AUTS2: variants seen among roughly 807,000 people sequenced by gnomAD.
AUTS2 encodes autism susceptibility gene 2 protein.
Under a neutral mutation model 112.4 loss-of-function variants are expected in AUTS2, and 17 were observed. The ratio of observed to expected loss-of-function variants is 0.15; its 90% CI spans 0.10 to 0.23. The LOEUF (loss-of-function observed/expected upper bound fraction) is 0.23, where lower values mean the gene tolerates loss of function less well. AUTS2 is among the 10% of genes least tolerant of loss of function. The pLI is 1.00. For missense variants in AUTS2, 1,510 were observed against 1,701.6 expected (o/e 0.89, Z 1.98); for synonymous variants, 751 against 702.7 (o/e 1.07, Z -1.09).
intron 1 of AUTS2, among the ~76,000 whole-genome samples, chr7:69,675,389 T>A (rs182482179): frequency 1.5e-4 from 23 of 152,276 alleles, no homozygotes; most frequent in Admixed American, 1.4e-3. Context: ...TGAAACTTTT[T>A]AAGATTTTTA....
chr7:70,486,001 T>TAAATAATA (rs375156409), intron 5 of AUTS2, among the ~76,000 whole-genome samples: 1 of 122,436 alleles, frequency 8.2e-6, no homozygotes, highest in Non-Finnish European at 1.9e-5. Context: ...AATAAATAAA[T>TAAATAATA]AATAAATAAA....
intron 1 of AUTS2, among the ~76,000 whole-genome samples, chr7:69,894,235 A>G (rs532787480): frequency 1.5e-4 from 21 of 144,090 alleles, no homozygotes; most frequent in Admixed American, 4.8e-4. Context: ...ATGACTGTCA[A>G]ATGAATGCCT....
chr7:70,228,230 A>G (rs1408835008), intron 4 of AUTS2, among the ~76,000 whole-genome samples: 1 of 151,412 alleles, frequency 6.6e-6, no homozygotes, highest in Non-Finnish European at 1.5e-5. Flanking sequence ...TCTCCCCTTT[A>G]TTATTAAACT....
At position 69,678,827 on chromosome 7, in the gene AUTS2, A is replaced by G. The variant is rs183243830; in HGVS notation, c.309+78865A>G. ...TAGATCCATCTATTTCAGAGAAACAACTTGCCCACTGTATTATATTTCAGA... is the reference window on the plus strand; with the variant it reads ...TAGATCCATCTATTTCAGAGAAACAGCTTGCCCACTGTATTATATTTCAGA... On this transcript the variant is annotated intron_variant, in intron 1 of 18. Coordinates refer to ENST00000342771, the MANE Select transcript of AUTS2 (RefSeq NM_015570.4). Among the ~76,000 whole-genome samples the G allele has an allele frequency of 1.1e-4, 16 of 152,348 alleles. No homozygotes were observed. The East Asian group carries it at 1.9e-3, about 18-fold the overall frequency.
At chr7:70,019,822 A>T (rs1049980001) in intron 2 of AUTS2, among the ~76,000 whole-genome samples, 1 of 152,128 alleles carries the variant, frequency 6.6e-6, no homozygotes, top group African/African-American at 2.4e-5. Context: ...AATTTAAAAA[A>T]TTTTCGTATG....
chr7:69,673,358 A>G (rs1446847196), intron 1 of AUTS2, among the ~76,000 whole-genome samples: 1 of 152,224 alleles, frequency 6.6e-6, no homozygotes, highest in Non-Finnish European at 1.5e-5. Flanking sequence ...CCTGATCCTC[A>G]TATGACCTTA....
chr7:70,739,598 T>A (rs934072972), intron 6 of AUTS2, among the ~76,000 whole-genome samples: 17 of 152,104 alleles, frequency 1.1e-4, no homozygotes, highest in African/African-American at 4.1e-4. Context: ...CTGCCCAAAG[T>A]CTCAAAGCTA....
In AUTS2 at chr7:70,349,828, C is replaced by G. The variant is rs61127734; in HGVS notation, c.661-85924C>G. Among the ~76,000 whole-genome samples, 663 of 152,298 alleles carry G rather than the reference C, an allele frequency of 4.4e-3. 7 individuals carry two copies. Among genetic ancestry groups the G allele is most frequent in the African/African-American group, 0.016 (646 of 41,550 alleles). On this transcript the variant is annotated intron_variant, in intron 4 of 18. Transcript: ENST00000342771. ...GCAAAGATTACTTAAACACAAAAATCTCATTTCTGTTCTTAATCAGCTGGA... is the reference window on the plus strand; with the variant it reads ...GCAAAGATTACTTAAACACAAAAATGTCATTTCTGTTCTTAATCAGCTGGA...
At chr7:70,772,712 A>G (rs942713514) in intron 11 of AUTS2, among the ~76,000 whole-genome samples, 4 of 152,330 alleles carry the variant, frequency 2.6e-5, no homozygotes, top group Middle Eastern at 3.4e-3. Context: ...CAGTTCATCT[A>G]TTGAATTTGC....
intron 4 of AUTS2, among the ~76,000 whole-genome samples, chr7:70,288,928 A>T (rs1420341226): frequency 1.3e-5 from 2 of 152,232 alleles, no homozygotes; most frequent in Non-Finnish European, 2.9e-5. Flanking sequence ...TGATTTAGAG[A>T]TAATGCAACC....
At chr7:70,739,951 G>A (rs563898225) in intron 6 of AUTS2, among the ~76,000 whole-genome samples, 35 of 152,106 alleles carry the variant, frequency 2.3e-4, no homozygotes, top group Admixed American at 7.9e-4. Flanking sequence ...CAGTATTCCC[G>A]GCCCTCCTGG....
chr7:69,855,243 G>T (rs1792667487), intron 1 of AUTS2, among the ~76,000 whole-genome samples: 1 of 152,118 alleles, frequency 6.6e-6, no homozygotes, highest in African/African-American at 2.4e-5. Flanking sequence ...CAAATCAGAG[G>T]TTATAGTTCA....
intron 1 of AUTS2, among the ~76,000 whole-genome samples, chr7:69,600,538 C>CTTT (rs370612172): frequency 1.6e-4 from 14 of 85,568 alleles, no homozygotes; most frequent in Admixed American, 1.4e-3. Context: ...CCCCCATATT[C>CTTT]TTTTTTTTTT....
At chr7:70,139,259 G>C (rs1339905597) in intron 4 of AUTS2, among the ~76,000 whole-genome samples, 1 of 152,194 alleles carries the variant, frequency 6.6e-6, no homozygotes, top group Non-Finnish European at 1.5e-5. Context: ...GAGCCACCAT[G>C]CCTGGCTGTA....
chr7:69,993,076 C>A (rs543350154), intron 2 of AUTS2, among the ~76,000 whole-genome samples: 4 of 152,180 alleles, frequency 2.6e-5, no homozygotes, highest in African/African-American at 9.6e-5. Flanking sequence ...TTGGTACTTT[C>A]AGCGGTCTGT....
intron 1 of AUTS2, among the ~76,000 whole-genome samples, chr7:69,862,762 T>C (rs1793047590): frequency 6.6e-6 from 1 of 152,180 alleles, no homozygotes; most frequent in South Asian, 2.1e-4. Context: ...CCAGTTACCC[T>C]GCACAGTCTC....
At chr7:70,508,528 G>A (rs1360755227) in intron 5 of AUTS2, among the ~76,000 whole-genome samples, 3 of 151,844 alleles carry the variant, frequency 2.0e-5, no homozygotes, top group Non-Finnish European at 4.4e-5. Flanking sequence ...TCCTTCCTCC[G>A]CCTTCCCAAA....
intron 1 of AUTS2, among the ~76,000 whole-genome samples, chr7:69,745,465 A>G (rs1363785492): frequency 1.3e-5 from 2 of 152,182 alleles, no homozygotes; most frequent in Admixed American, 1.3e-4. Context: ...CCTCCTTTGC[A>G]CTGTTACCAC....
rs969321032 is a variant in AUTS2, at chr7:69,604,897, C to T, written c.309+4935C>T. 1.1e-4 allele frequency among the ~76,000 whole-genome samples: 16 copies of T among 152,318 alleles called. 1 individual carries two copies. Among genetic ancestry groups the T allele is most frequent in the African/African-American group, 3.4e-4 (14 of 41,568 alleles). On this transcript the variant is annotated intron_variant, in intron 1 of 18. Coordinates refer to ENST00000342771, the MANE Select transcript of AUTS2 (RefSeq NM_015570.4). ...TAAAGCTTCTCAAGCTGGAAGGGAACATAGCTTTACAGGATGTTCATAAAT... is the reference window on the plus strand; with the variant it reads ...TAAAGCTTCTCAAGCTGGAAGGGAATATAGCTTTACAGGATGTTCATAAAT...
Sources: gnomAD v4.1 joint callset for allele counts (sites outside exome capture counted in the v4.1 genomes callset) on GRCh38, gnomAD v4.1.1 for gene constraint, MANE v1.5 for transcripts, NCBI Gene and HGNC (gene_info 2026-07-23, HGNC 2026-07-21) for gene names.